RHOA: variants seen among roughly 807,000 people sequenced by gnomAD.
RHOA encodes ras homolog family member A.
RHOA carries 3 observed loss-of-function variants against 17.5 expected under a neutral mutation model. That is an observed-to-expected ratio of 0.17 (90% confidence interval 0.08 to 0.44). RHOA has a LOEUF of 0.44. Among genes scored for constraint, RHOA ranks in the 20% least tolerant of loss-of-function variants. The probability of loss-of-function intolerance (pLI) is 0.99; values close to 1 mark genes in which losing one functional copy is unlikely to be tolerated. For synonymous variants in RHOA, 98 were observed against 88.4 expected (o/e 1.11, Z -0.61); for missense variants, 56 against 242.3 (o/e 0.23, Z 5.10).
chr3:49,401,344 C>A (rs2048721490), intron 1 of RHOA, among the ~76,000 whole-genome samples: 1 of 151,790 alleles, frequency 6.6e-6, no homozygotes, highest in Admixed American at 6.6e-5. Flanking sequence ...TACAGTGAGA[C>A]CTCATCTCTC....
At chr3:49,401,669 CATCT>C (rs776966485) in intron 1 of RHOA, among the ~76,000 whole-genome samples, 1 of 152,094 alleles carries the variant, frequency 6.6e-6, no homozygotes, top group Non-Finnish European at 1.5e-5. Flanking sequence ...ACCATCCATC[CATCT>C]GTCCATAATG....
chr3:49,396,259 G>C (rs1201745869), intron 1 of RHOA, among the ~76,000 whole-genome samples: 2 of 152,116 alleles, frequency 1.3e-5, no homozygotes, highest in East Asian at 3.9e-4. Flanking sequence ...TGAGATATGT[G>C]GTGGAAAATG....
At chr3:49,408,389 T>C (rs1443316649) in intron 1 of RHOA, among the ~76,000 whole-genome samples, 1 of 152,166 alleles carries the variant, frequency 6.6e-6, no homozygotes, top group Non-Finnish European at 1.5e-5. Flanking sequence ...GCATACTGAT[T>C]GCAATTTAGC....
Position 49,375,908 on chromosome 3 carries a change from C to A in RHOA, c.-2-317G>T, listed in dbSNP as rs1377701805. On this transcript the variant is annotated intron_variant, in intron 1 of 4. Transcript: ENST00000418115. ...TGTCGCCCAGGCTGGAGTGCACTGGCCCAATCTCAGTTCACTGCAACCTCC... is the reference window on the plus strand; with the variant it reads ...TGTCGCCCAGGCTGGAGTGCACTGGACCAATCTCAGTTCACTGCAACCTCC... Among the ~76,000 whole-genome samples the A allele has an allele frequency of 2.0e-5, 3 of 151,952 alleles. No individual in the cohort carries two copies. In the East Asian group the frequency reaches 5.8e-4, roughly 29 times the overall value.
At chr3:49,365,758 G>A (rs1274988157) in intron 3 of RHOA, among the ~76,000 whole-genome samples, 1 of 150,788 alleles carries the variant, frequency 6.6e-6, no homozygotes, top group Non-Finnish European at 1.5e-5. Flanking sequence ...ACTTGGCTAA[G>A]TTTTGTATTT....
intron 2 of RHOA, among the ~76,000 whole-genome samples, chr3:49,372,723 G>A: frequency 8.9e-6 from 1 of 111,914 alleles, no homozygotes. Context: ...GACAGAGCGA[G>A]ACTCTGTCTC....
intron 4 of RHOA, among the ~76,000 whole-genome samples, chr3:49,361,328 C>T (rs1012697217): frequency 6.6e-6 from 1 of 152,120 alleles, no homozygotes. Context: ...ACAGAGAAAC[C>T]TGAGTAAGAG....
intron 2 of RHOA, among the ~76,000 whole-genome samples, chr3:49,373,573 T>C (rs933359315): frequency 1.3e-5 from 2 of 152,268 alleles, no homozygotes; most frequent in South Asian, 4.1e-4. Context: ...GCCCAGCCAC[T>C]TGGGGCTGAG....
At chr3:49,368,605 G>A in intron 2 of RHOA, 57 bp from the exon 3 acceptor site, 1 of 1,596,084 alleles carries the variant, frequency 6.3e-7, no homozygotes, top group Admixed American at 1.7e-5. Flanking sequence ...CCCACTTTTA[G>A]AAAAAGTGAC....
At chr3:49,364,395 G>A (rs1393307859) in intron 3 of RHOA, among the ~76,000 whole-genome samples, 1 of 152,166 alleles carries the variant, frequency 6.6e-6, no homozygotes, top group Non-Finnish European at 1.5e-5. Context: ...TGAGGCTGGA[G>A]AATCGCTTGA....
At chr3:49,395,181 G>A (rs2048593052) in intron 1 of RHOA, among the ~76,000 whole-genome samples, 1 of 151,612 alleles carries the variant, frequency 6.6e-6, no homozygotes, top group African/African-American at 2.4e-5. Context: ...AACCCGGGAG[G>A]CGGAGCTTGC....
At chr3:49,387,470 C>A (rs537471679) in intron 1 of RHOA, among the ~76,000 whole-genome samples, 1 of 143,264 alleles carries the variant, frequency 7.0e-6, no homozygotes, top group Non-Finnish European at 1.5e-5. Flanking sequence ...AAGGGTCGGG[C>A]GCGGTGGCTC....
intron 1 of RHOA, among the ~76,000 whole-genome samples, chr3:49,408,757 T>A (rs1242014163): frequency 1.3e-5 from 2 of 151,422 alleles, no homozygotes; most frequent in Admixed American, 1.3e-4. Flanking sequence ...AACAAAGGAA[T>A]AAACTAAATG....
At chr3:49,373,079 C>G (rs2048170952) in intron 2 of RHOA, among the ~76,000 whole-genome samples, 1 of 152,166 alleles carries the variant, frequency 6.6e-6, no homozygotes, top group Non-Finnish European at 1.5e-5. Flanking sequence ...CACGGTGGCT[C>G]ATGCATGTAA....
chr3:49,378,750 T>A (rs2048272837), intron 1 of RHOA, among the ~76,000 whole-genome samples: 1 of 151,938 alleles, frequency 6.6e-6, no homozygotes, highest in Admixed American at 6.6e-5. Flanking sequence ...ACTACCAGGC[T>A]CCTGCCACCA....
intron 1 of RHOA, among the ~76,000 whole-genome samples, chr3:49,406,997 G>C (rs997306106): frequency 4.0e-5 from 6 of 151,716 alleles, no homozygotes; most frequent in African/African-American, 1.5e-4. Flanking sequence ...ACAAAAATTA[G>C]TCGGGCATGG....
chr3:49,362,720 G>T, intron 3 of RHOA, 94 bp from the exon 4 acceptor site: 1 of 1,047,358 alleles, frequency 9.5e-7, no homozygotes, highest in Non-Finnish European at 1.4e-6. Context: ...CACTTTCTTT[G>T]TGGCTTCAGA....
chr3:49,396,393 G>C (rs1559513739), intron 1 of RHOA, among the ~76,000 whole-genome samples: 1 of 152,092 alleles, frequency 6.6e-6, no homozygotes, highest in Non-Finnish European at 1.5e-5. Flanking sequence ...GGCCAACATG[G>C]TGAGACCCTG....
intron 1 of RHOA, among the ~76,000 whole-genome samples, chr3:49,394,215 A>C (rs1452885396): frequency 6.6e-6 from 1 of 151,744 alleles, no homozygotes; most frequent in Non-Finnish European, 1.5e-5. Context: ...CATGTTGGTC[A>C]GGCTGGTCTC....
Sources: allele counts gnomAD v4.1 joint callset (sites outside exome capture counted in the v4.1 genomes callset), GRCh38; gene constraint gnomAD v4.1.1; transcripts MANE v1.5; gene names NCBI Gene and HGNC (gene_info 2026-07-23, HGNC 2026-07-21).